TENT5D: variants seen among roughly 807,000 people sequenced by gnomAD.
TENT5D encodes terminal nucleotidyltransferase 5D, also known as cancer/testis antigen 112.
For synonymous variants in TENT5D, 103 were observed against 100.6 expected (o/e 1.02, Z -0.15); for missense variants, 191 against 287.0 (o/e 0.67, Z 2.42).
chrX:80,417,528 C>T (rs191387689), upstream of TENT5D, among the ~76,000 whole-genome samples: 283 of 108,385 alleles, frequency 2.6e-3, no homozygotes, highest in African/African-American at 8.2e-3. Flanking sequence ...TTAGCATTAG[C>T]TTTTCTGAAA....
At chrX:80,405,178 G>C (rs187521861) in intron 3 of TENT5D, among the ~76,000 whole-genome samples, 1 of 112,595 alleles carries the variant, frequency 8.9e-6, no homozygotes, top group African/African-American at 3.2e-5. Flanking sequence ...GTTGAACTTT[G>C]AGTTTATAAA....
intron 3 of TENT5D, among the ~76,000 whole-genome samples, chrX:80,366,208 AGT>A (rs3087109): frequency 1.4e-3 from 138 of 98,379 alleles, no homozygotes; most frequent in African/African-American, 3.9e-3. Context: ...GAAGACAGGG[AGT>A]GTGTGTGTGT....
chrX:80,394,325 T>C (rs1469058005), intron 3 of TENT5D, among the ~76,000 whole-genome samples: 1 of 110,044 alleles, frequency 9.1e-6, no homozygotes, highest in Non-Finnish European at 1.9e-5. Context: ...GAGCAGTTTT[T>C]TTTTTTCATG....
At chrX:80,441,322 T>C (rs956976819) in intron 2 of TENT5D, among the ~76,000 whole-genome samples, 1 of 111,344 alleles carries the variant, frequency 9.0e-6, no homozygotes, top group Non-Finnish European at 1.9e-5. Context: ...TAATAGGCCT[T>C]TTGCAAAATG....
chrX:80,371,344 T>C (rs1930621815), intron 3 of TENT5D, among the ~76,000 whole-genome samples: 1 of 111,452 alleles, frequency 9.0e-6, no homozygotes, highest in Non-Finnish European at 1.9e-5. Context: ...TTAGTAAGGA[T>C]TCTAGGATTT....
chrX:80,403,235 C>T (rs1348625364), intron 3 of TENT5D, among the ~76,000 whole-genome samples: 6 of 111,954 alleles, frequency 5.4e-5, no homozygotes, highest in Non-Finnish European at 1.1e-4. Flanking sequence ...CAATTAAATG[C>T]ATTTCAAGTA....
intron 2 of TENT5D, among the ~76,000 whole-genome samples, chrX:80,442,214 C>T (rs1355609379): frequency 1.8e-5 from 2 of 110,559 alleles, no homozygotes; most frequent in African/African-American, 6.6e-5. Flanking sequence ...AAAGAAATAC[C>T]ATCATTATAG....
intron 3 of TENT5D, among the ~76,000 whole-genome samples, chrX:80,404,753 T>C (rs1485464875): frequency 8.9e-6 from 1 of 112,270 alleles, no homozygotes; most frequent in Non-Finnish European, 1.9e-5. Context: ...CAGGATCTGG[T>C]GTCCTTTTTA....
intron 2 of TENT5D, 116 bp from the exon 3 acceptor site, chrX:80,442,406 C>T: frequency 8.8e-6 from 4 of 455,031 alleles, no homozygotes; most frequent in Middle Eastern, 6.4e-4. Context: ...TAATTTCCTC[C>T]CTAGTATTAT....
upstream of TENT5D, among the ~76,000 whole-genome samples, chrX:80,417,132 T>G (rs892760863): frequency 3.6e-5 from 4 of 111,561 alleles, no homozygotes; most frequent in Non-Finnish European, 7.5e-5. Flanking sequence ...CCCTGCTTTT[T>G]TTTTCTATTT....
chrX:80,342,261 A>G (rs1469487838), intron 2 of TENT5D, among the ~76,000 whole-genome samples: 2 of 111,754 alleles, frequency 1.8e-5, no homozygotes, highest in African/African-American at 6.5e-5. Context: ...ACTTTACATT[A>G]AGATGTTCAC....
chrX:80,415,312 T>A (rs1221389748), intron 3 of TENT5D, among the ~76,000 whole-genome samples: 1 of 111,355 alleles, frequency 9.0e-6, no homozygotes, highest in East Asian at 2.8e-4. Context: ...TTTGCCTGAT[T>A]TTTCTAGCTA....
intron 3 of TENT5D, among the ~76,000 whole-genome samples, chrX:80,366,764 CATG>C (rs1282153662): frequency 9.0e-6 from 1 of 111,289 alleles, no homozygotes; most frequent in Non-Finnish European, 1.9e-5. Context: ...ATAATTTATT[CATG>C]ATAACAGTTT....
intron 3 of TENT5D, among the ~76,000 whole-genome samples, chrX:80,373,502 T>C (rs778278357): frequency 8.9e-5 from 10 of 111,896 alleles, no homozygotes; most frequent in Non-Finnish European, 1.9e-4. Context: ...TTAATTAGCG[T>C]CATTTCCATT....
At chrX:80,365,467 G>A (rs948536645) in intron 3 of TENT5D, among the ~76,000 whole-genome samples, 2 of 110,976 alleles carry the variant, frequency 1.8e-5, no homozygotes, top group Admixed American at 1.9e-4. Context: ...TTTTAAATGT[G>A]TGAAACATAA....
At chrX:80,385,922 A>C (rs1434496685) in intron 3 of TENT5D, among the ~76,000 whole-genome samples, 1 of 112,192 alleles carries the variant, frequency 8.9e-6, no homozygotes, top group Non-Finnish European at 1.9e-5. Context: ...GTCAGGAAAC[A>C]ACAGGTGCTG....
chrX:80,416,192 T>A (rs1931769566), upstream of TENT5D, among the ~76,000 whole-genome samples: 1 of 109,458 alleles, frequency 9.1e-6, no homozygotes, highest in Non-Finnish European at 1.9e-5. Flanking sequence ...TTGTCTTTAC[T>A]AATCTAGGTA....
At chrX:80,365,733 C>A (rs948588563) in intron 3 of TENT5D, among the ~76,000 whole-genome samples, 1 of 108,800 alleles carries the variant, frequency 9.2e-6, no homozygotes, top group Admixed American at 1.0e-4. Context: ...CCCAGCTACT[C>A]GGGAGGCTGA....
intron 3 of TENT5D, among the ~76,000 whole-genome samples, chrX:80,387,680 C>T (rs1211417148): frequency 9.0e-6 from 1 of 111,363 alleles, no homozygotes; most frequent in Non-Finnish European, 1.9e-5. Flanking sequence ...TGAGACTGCC[C>T]TGGGTCAAAC....
Sources: allele counts gnomAD v4.1 joint callset (sites outside exome capture counted in the v4.1 genomes callset), GRCh38; gene constraint gnomAD v4.1.1; transcripts MANE v1.5; gene names NCBI Gene and HGNC (gene_info 2026-07-23, HGNC 2026-07-21).